The following RAD51B variants were observed in gnomAD, a reference collection of about 807,000 sequenced individuals.
The protein encoded by RAD51B is RAD51 paralog B.
Under a neutral mutation model 42.2 loss-of-function variants are expected in RAD51B, and 38 were observed. That is an observed-to-expected ratio of 0.90 (90% CI 0.70 to 1.18). RAD51B has a LOEUF of 1.18. RAD51B is among the 50% of genes most tolerant of loss of function. RAD51B has a pLI of 0.00. For synonymous variants in RAD51B, 154 were observed against 145.2 expected (o/e 1.06, Z -0.43); for missense variants, 373 against 400.7 (o/e 0.93, Z 0.59).
chr14:67,921,567 TCACACACACACACACACACACACA>T (rs3219795), intron 7 of RAD51B, among the ~76,000 whole-genome samples: 43 of 125,946 alleles, frequency 3.4e-4, no homozygotes, highest in Middle Eastern at 3.8e-3. Flanking sequence ...TATGTGCACA[TCACACACACACACACACACACACA>T]CACACACACA....
chr14:68,631,494 G>A (rs1220748238), intron 10 of RAD51B, among the ~76,000 whole-genome samples: 1 of 152,136 alleles, frequency 6.6e-6, no homozygotes, highest in Non-Finnish European at 1.5e-5. Context: ...TCGGAAGCCG[G>A]GGACAGGCCT....
At chr14:68,484,419 G>A (rs1211721402) in intron 10 of RAD51B, among the ~76,000 whole-genome samples, 3 of 147,040 alleles carry the variant, frequency 2.0e-5, no homozygotes, top group East Asian at 2.0e-4. Flanking sequence ...GTACAGTGGC[G>A]CGATCTCAGC....
intron 7 of RAD51B, among the ~76,000 whole-genome samples, chr14:68,239,145 A>G (rs928190138): frequency 2.0e-5 from 3 of 152,184 alleles, no homozygotes; most frequent in Non-Finnish European, 4.4e-5. Context: ...CCCAGATAAG[A>G]CAACTGTTAT....
intron 4 of RAD51B, among the ~76,000 whole-genome samples, chr14:67,841,447 G>T (rs2041424642): frequency 6.6e-6 from 1 of 152,010 alleles, no homozygotes; most frequent in Non-Finnish European, 1.5e-5. Flanking sequence ...GTCAATTTTT[G>T]TTTTTGTTAC....
At chr14:67,852,848 A>C (rs918492559) in intron 4 of RAD51B, among the ~76,000 whole-genome samples, 1 of 152,218 alleles carries the variant, frequency 6.6e-6, no homozygotes, top group Non-Finnish European at 1.5e-5. Context: ...AGAATTTCTT[A>C]AATGGCCTCT....
chr14:67,958,819 C>A (rs192331070), intron 7 of RAD51B, among the ~76,000 whole-genome samples: 82 of 152,264 alleles, frequency 5.4e-4, no homozygotes, highest in African/African-American at 1.9e-3. Flanking sequence ...AACTGGGCAT[C>A]CAAAGTCATT....
chr14:68,042,180 G>A (rs1457886993), intron 7 of RAD51B, among the ~76,000 whole-genome samples: 4 of 152,144 alleles, frequency 2.6e-5, no homozygotes. Flanking sequence ...ACAGTTACAA[G>A]CCTTCTTTCT....
intron 7 of RAD51B, among the ~76,000 whole-genome samples, chr14:68,287,256 G>A (rs2081430897): frequency 6.6e-6 from 1 of 152,140 alleles, no homozygotes; most frequent in African/African-American, 2.4e-5. Flanking sequence ...CATTAAAAAT[G>A]GGACTCAAGG....
At chr14:68,498,891 A>C (rs1884726777) in intron 10 of RAD51B, among the ~76,000 whole-genome samples, 1 of 152,234 alleles carries the variant, frequency 6.6e-6, no homozygotes, top group East Asian at 1.9e-4. Flanking sequence ...AGCCCTTCCC[A>C]GCAGGGGACT....
chr14:68,475,019 G>A (rs1281545974), intron 10 of RAD51B, among the ~76,000 whole-genome samples: 1 of 152,162 alleles, frequency 6.6e-6, no homozygotes, highest in East Asian at 1.9e-4. Context: ...CCGTTACCAT[G>A]GTCCAGAATG....
At chr14:67,920,816 C>T (rs2044299993) in intron 7 of RAD51B, among the ~76,000 whole-genome samples, 1 of 151,924 alleles carries the variant, frequency 6.6e-6, no homozygotes, top group South Asian at 2.1e-4. Flanking sequence ...GACATATAAA[C>T]AAGTAGAGGT....
chr14:67,844,513 TG>T (rs2041541786), intron 4 of RAD51B, among the ~76,000 whole-genome samples: 1 of 151,602 alleles, frequency 6.6e-6, no homozygotes, highest in Non-Finnish European at 1.5e-5. Context: ...TTTATGAACC[TG>T]GGTGCTCCTA....
At chr14:68,634,567 A>G in intron 10 of RAD51B, among the ~76,000 whole-genome samples, 1 of 152,014 alleles carries the variant, frequency 6.6e-6, no homozygotes, top group East Asian at 1.9e-4. Flanking sequence ...TGGGATTCTC[A>G]GCCTGCCACT....
chr14:67,993,546 A>T (rs2075332094), intron 7 of RAD51B, among the ~76,000 whole-genome samples: 1 of 152,118 alleles, frequency 6.6e-6, no homozygotes, highest in African/African-American at 2.4e-5. Flanking sequence ...ATGGCTGAAT[A>T]TTACTCCGTT....
At chr14:68,226,051 A>G (rs1431963918) in intron 7 of RAD51B, among the ~76,000 whole-genome samples, 1 of 152,182 alleles carries the variant, frequency 6.6e-6, no homozygotes, top group Non-Finnish European at 1.5e-5. Context: ...TACTGTTTTT[A>G]GAAGCTTCTT....
intron 7 of RAD51B, among the ~76,000 whole-genome samples, chr14:68,275,794 C>CCACACA (rs10641411): frequency 0.028 from 3,955 of 141,312 alleles, 52 homozygotes; most frequent in Non-Finnish European, 0.038. Context: ...AACTAGCTCT[C>CCACACA]CACACACACA....
intron 7 of RAD51B, among the ~76,000 whole-genome samples, chr14:68,253,062 A>G (rs1158073876): frequency 2.0e-5 from 3 of 151,822 alleles, no homozygotes; most frequent in South Asian, 2.1e-4. Context: ...TAGCCTGGGC[A>G]ACAGAGCAGG....
rs539685889 is a variant in RAD51B, at chr14:68,523,363, G to C, written c.1036+55113G>C. Among the ~76,000 whole-genome samples the C allele has an allele frequency of 5.3e-5, 8 of 152,346 alleles. No individual in the cohort carries two copies. The South Asian group carries it at 6.2e-4, about 12-fold the overall frequency. ...AGTGGAGTTGGGGCATGGTGGGGTT[G>C]AAGCTGGATTAGAATGGACTTGGCC... On this transcript the variant is annotated intron_variant, in intron 10 of 10. Coordinates refer to the RAD51B transcript ENST00000487270.
chr14:67,975,598 A>G (rs1267078588), intron 7 of RAD51B, among the ~76,000 whole-genome samples: 1 of 152,254 alleles, frequency 6.6e-6, no homozygotes, highest in Non-Finnish European at 1.5e-5. Flanking sequence ...GAGAGACTCC[A>G]TTGCAGCCAC....
Sources: allele counts gnomAD v4.1 joint callset (sites outside exome capture counted in the v4.1 genomes callset), GRCh38; gene constraint gnomAD v4.1.1; transcripts MANE v1.5; gene names NCBI Gene and HGNC (gene_info 2026-07-23, HGNC 2026-07-21).